The following KDM6A variants were observed in gnomAD, a reference collection of about 807,000 sequenced individuals.
The protein encoded by KDM6A is lysine-specific demethylase 6A.
In KDM6A, 11 loss-of-function variants were observed where a neutral mutation model predicts 117.6. That is an observed-to-expected ratio of 0.09 (90% confidence interval 0.06 to 0.15). The LOEUF (loss-of-function observed/expected upper bound fraction) is 0.15, where lower values mean the gene tolerates loss of function less well. Ranked by LOEUF, KDM6A falls within the 10% of genes least tolerant of loss-of-function variation. The pLI is 1.00. For missense variants in KDM6A, 799 were observed against 1,077.3 expected (o/e 0.74, Z 3.62); for synonymous variants, 384 against 396.1 (o/e 0.97, Z 0.36).
rs760851370 is a variant in KDM6A, at chrX:44,952,416, C to T, written c.226-8868C>T. On this transcript the variant is annotated intron_variant, in intron 2 of 29. Transcript: ENST00000611820. Reference sequence around the variant, plus strand: ...CCTCCTGAGTAGCTGGAATTACAGGCGCCCACCACCACGCCCAGCTAATTT... The same window carrying T: ...CCTCCTGAGTAGCTGGAATTACAGGTGCCCACCACCACGCCCAGCTAATTT... Among the ~76,000 whole-genome samples, 9 of 109,227 alleles carry T rather than the reference C, an allele frequency of 8.2e-5. No homozygotes were observed. In the East Asian group the frequency reaches 1.8e-3, roughly 21 times the overall value. 94.9% of individuals were successfully genotyped at this position (109,227 alleles called of 115,157 possible).
chrX:44,897,647 T>C (rs1400863785), intron 2 of KDM6A, among the ~76,000 whole-genome samples: 1 of 111,721 alleles, frequency 9.0e-6, no homozygotes, highest in Non-Finnish European at 1.9e-5. Flanking sequence ...TAGCTTGCTG[T>C]AACCTCAAAC....
intron 3 of KDM6A, among the ~76,000 whole-genome samples, chrX:44,969,761 G>C (rs779471467): frequency 9.0e-6 from 1 of 111,375 alleles, no homozygotes; most frequent in Non-Finnish European, 1.9e-5. Flanking sequence ...CTCTATCCTG[G>C]AATATTTATA....
intron 2 of KDM6A, among the ~76,000 whole-genome samples, chrX:44,917,172 A>G (rs1404898296): frequency 9.1e-6 from 1 of 110,054 alleles, no homozygotes; most frequent in Non-Finnish European, 1.9e-5. Flanking sequence ...ATTAACAGGC[A>G]CGTGCCACCA....
chrX:45,016,196 A>G (rs761526186), intron 5 of KDM6A, among the ~76,000 whole-genome samples: 28 of 111,155 alleles, frequency 2.5e-4, no homozygotes, highest in African/African-American at 8.5e-4. Context: ...TTCCATCTCA[A>G]CCTTTTAAAA....
intron 27 of KDM6A, among the ~76,000 whole-genome samples, chrX:45,094,444 C>T (rs1401169240): frequency 9.0e-6 from 1 of 111,580 alleles, no homozygotes; most frequent in African/African-American, 3.3e-5. Flanking sequence ...CAAACTCTTG[C>T]ACCATGAGAA....
intron 14 of KDM6A, among the ~76,000 whole-genome samples, chrX:45,061,041 T>C (rs1038131502): frequency 9.0e-6 from 1 of 111,531 alleles, no homozygotes; most frequent in Non-Finnish European, 1.9e-5. Flanking sequence ...ATAAATTTAA[T>C]GTTGGATCTA....
At chrX:45,043,943 T>TA (rs1196041782) in intron 8 of KDM6A, among the ~76,000 whole-genome samples, 5 of 112,335 alleles carry the variant, frequency 4.5e-5, no homozygotes, top group Non-Finnish European at 9.4e-5. Context: ...ATTTTTACTG[T>TA]ACTTTTTCGG....
intron 6 of KDM6A, among the ~76,000 whole-genome samples, chrX:45,026,492 T>C (rs911116240): frequency 9.0e-6 from 1 of 111,419 alleles, no homozygotes; most frequent in African/African-American, 3.3e-5. Context: ...TCTTTTATTA[T>C]TTTATTCATG....
At position 44,985,320 on chromosome X, in the gene KDM6A, G is replaced by C. The variant is rs780148975; in HGVS notation, c.384+10605G>C. ...AAGGAGATTTTGGGCTGAAACGATG[G>C]GGTTTTCTAGATATACAATCATGTC... On this transcript the variant is annotated intron_variant, in intron 4 of 29. Coordinates refer to ENST00000611820, the MANE Select transcript of KDM6A (RefSeq NM_001291415.2). Among the ~76,000 whole-genome samples, 4 of 111,392 alleles carry C rather than the reference G, an allele frequency of 3.6e-5. No homozygotes were observed. In the East Asian group the frequency reaches 1.1e-3, roughly 31 times the overall value.
chrX:44,901,859 T>A lies in KDM6A; in HGVS notation c.225+27872T>A, dbSNP rs184285190. ...CATGGTACATATGTTTTACATCCTT[T>A]TAGTTTCAACCTATTTTTGTCCTTG... On this transcript the variant is annotated intron_variant, in intron 2 of 29. Transcript: ENST00000611820. Among the ~76,000 whole-genome samples the A allele has an allele frequency of 2.7e-5, 3 of 112,480 alleles. No homozygotes were observed. In the East Asian group the frequency reaches 8.3e-4, roughly 31 times the overall value.
chrX:44,974,606 A>T, intron 3 of KDM6A, 60 bp from the exon 4 acceptor site: 1 of 762,571 alleles, frequency 1.3e-6, no homozygotes, highest in Non-Finnish European at 2.0e-6. Flanking sequence ...CGTGTTTGTT[A>T]AGTGTATTAT....
At chrX:45,005,112 T>G (rs2041368705) in intron 4 of KDM6A, among the ~76,000 whole-genome samples, 1 of 110,994 alleles carries the variant, frequency 9.0e-6, no homozygotes, top group African/African-American at 3.3e-5. Flanking sequence ...AATATCTTTT[T>G]TACATTGTTC....
intron 2 of KDM6A, among the ~76,000 whole-genome samples, chrX:44,945,984 T>C (rs898521541): frequency 8.9e-6 from 1 of 112,487 alleles, no homozygotes; most frequent in African/African-American, 3.2e-5. Flanking sequence ...CACGGGCCCT[T>C]ATGGAGCATC....
At chrX:44,906,183 C>T (rs1273080615) in intron 2 of KDM6A, among the ~76,000 whole-genome samples, 2 of 111,641 alleles carry the variant, frequency 1.8e-5, no homozygotes, top group Non-Finnish European at 3.8e-5. Flanking sequence ...CACAGTCTTT[C>T]TCTGTAGCTC....
At chrX:45,083,022 C>T (rs1223660095) in intron 23 of KDM6A, among the ~76,000 whole-genome samples, 1 of 110,246 alleles carries the variant, frequency 9.1e-6, no homozygotes, top group African/African-American at 3.3e-5. Flanking sequence ...AACTCCTGGG[C>T]TCAAGGGATC....
chrX:44,998,437 T>G (rs1417628353), intron 4 of KDM6A, among the ~76,000 whole-genome samples: 1 of 111,939 alleles, frequency 8.9e-6, no homozygotes, highest in Non-Finnish European at 1.9e-5. Flanking sequence ...AGTGTTAAGA[T>G]TCATGTAATT....
chrX:45,100,598 T>C (rs1411157834), intron 27 of KDM6A, among the ~76,000 whole-genome samples: 1 of 110,788 alleles, frequency 9.0e-6, no homozygotes, highest in African/African-American at 3.3e-5. Context: ...TGCTGAGGAG[T>C]AGAAAGTTAA....
At chrX:45,067,031 C>T (rs981949752) in intron 17 of KDM6A, among the ~76,000 whole-genome samples, 1 of 112,224 alleles carries the variant, frequency 8.9e-6, no homozygotes, top group African/African-American at 3.2e-5. Context: ...TCTGTCTCTG[C>T]TGTTGATATA....
chrX:44,885,573 A>T (rs1602052523), intron 2 of KDM6A, among the ~76,000 whole-genome samples: 1 of 102,493 alleles, frequency 9.8e-6, no homozygotes, highest in Non-Finnish European at 2.1e-5. Flanking sequence ...GCCAAATATT[A>T]AAAAAAAAAA....
Sources: gnomAD v4.1 joint callset for allele counts (sites outside exome capture counted in the v4.1 genomes callset) on GRCh38, gnomAD v4.1.1 for gene constraint, MANE v1.5 for transcripts, NCBI Gene and HGNC (gene_info 2026-07-23, HGNC 2026-07-21) for gene names.